The following IL2RA variants were observed in gnomAD, a reference collection of about 807,000 sequenced individuals.
IL2RA encodes the protein interleukin 2 receptor subunit alpha.
Under a neutral mutation model 37.8 loss-of-function variants are expected in IL2RA, and 24 were observed. The ratio of observed to expected loss-of-function variants is 0.63; its 90% CI spans 0.46 to 0.89. IL2RA has a LOEUF of 0.89. IL2RA is among the 40% of genes least tolerant of loss of function. The probability of loss-of-function intolerance (pLI) is 0.00; values close to 1 mark genes in which losing one functional copy is unlikely to be tolerated. For missense variants in IL2RA, 319 were observed against 348.6 expected, an observed-to-expected ratio of 0.92 and a Z score of 0.68; for synonymous variants, 125 against 114.6, an observed-to-expected ratio of 1.09 and a Z score of -0.58.
chr10:6,023,527 G>A (rs1839423198), intron 3 of IL2RA, among the ~76,000 whole-genome samples: 1 of 152,162 alleles, frequency 6.6e-6, no homozygotes, highest in African/African-American at 2.4e-5. Flanking sequence ...GTAGAGACAA[G>A]GTTTCACCAT....
At position 6,021,753 on chromosome 10, in the gene IL2RA, G is replaced by C; in HGVS notation, c.368-60C>G. ...GGGGACAGCACCGCGAGTGAGTCCA[G>C]GTTGCCTCTTGCTAGGGACTGGACC... On this transcript the variant is annotated intron_variant, in intron 3 of 7. Coordinates refer to ENST00000379959, the MANE Select transcript of IL2RA (RefSeq NM_000417.3). This position sits in a 1 kb window ranked among gnomAD's most constrained non-coding sequence, Gnocchi z 4.9. 7.0e-7 allele frequency: 1 copy of C among 1,420,696 alleles called. No individual in the cohort carries two copies. Among genetic ancestry groups the C allele is most frequent in the Non-Finnish European group, 9.9e-7 (1 of 1,006,930 alleles). The allele number at this position is 1,420,696 out of a possible 1,614,324, so 88.0% of individuals were successfully genotyped here.
At chr10:6,051,817 C>CTACATATATATATATATATATATATATA (rs1554831668) in intron 1 of IL2RA, among the ~76,000 whole-genome samples, 1 of 33,664 alleles carries the variant, frequency 3.0e-5, no homozygotes, top group East Asian at 9.3e-4. Flanking sequence ...TCATGCCCAG[C>CTACATATATATATATATATATATATATA]TATATATATA....
chr10:6,054,974 G>A lies in IL2RA; in HGVS notation c.64+7114C>T, dbSNP rs1233281055. On this transcript the variant is annotated intron_variant, in intron 1 of 7. Transcript: ENST00000379959. This position sits in a 1 kb window ranked among gnomAD's most constrained non-coding sequence, Gnocchi z 4.5. The stretch of plus-strand genomic sequence containing the variant: ...GGCCTCCCAAAGTGCAGGTATTACA[G>A]GCATGAGCTATCACACTCAGCCTAT... Among the ~76,000 whole-genome samples, 2 of 152,088 alleles carry A rather than the reference G, an allele frequency of 1.3e-5. No individual in the cohort carries two copies. The highest frequency in any genetic ancestry group is 1.9e-4 in the East Asian group (1 of 5,198).
intron 1 of IL2RA, among the ~76,000 whole-genome samples, chr10:6,045,138 C>T (rs899268393): frequency 2.0e-5 from 3 of 152,166 alleles, no homozygotes; most frequent in African/African-American, 7.2e-5. Flanking sequence ...TTGGACACAT[C>T]TCTGCAGTAA....
Position 6,019,483 on chromosome 10 carries a change from T to G in IL2RA, c.672A>C (p.Thr224=), listed in dbSNP as rs1233023299. The change falls in exon 6 of 8, where the codon ACA becomes ACC. Residue 224 remains threonine (T), a synonymous_variant. Transcript: ENST00000379959. ...ACGTCTCCATGGTTGCAGCCATTTCTGTCTGTATTTGAAAATCTGTGAAAA... is the reference window on the plus strand; with the variant it reads ...ACGTCTCCATGGTTGCAGCCATTTCGGTCTGTATTTGAAAATCTGTGAAAA... ...LVTTTDFQIQ[T]EMAATMETSI... is the part of the protein sequence containing the mutation. The G allele has an allele frequency of 6.2e-7, 1 of 1,613,156 alleles. No individual in the cohort carries two copies. The highest frequency in any genetic ancestry group is 8.5e-7 in the Non-Finnish European group (1 of 1,179,026).
At chr10:6,038,670 G>A (rs1376528408) in intron 1 of IL2RA, among the ~76,000 whole-genome samples, 2 of 152,172 alleles carry the variant, frequency 1.3e-5, no homozygotes, top group African/African-American at 4.8e-5. Context: ...AAACATAAAT[G>A]CGCACAAAGA....
intron 1 of IL2RA, among the ~76,000 whole-genome samples, chr10:6,040,892 T>C (rs994632303): frequency 1.3e-5 from 2 of 152,152 alleles, no homozygotes; most frequent in Non-Finnish European, 2.9e-5. Flanking sequence ...TTTCATAAGG[T>C]GGCCAGATAG....
rs1407098496 is a variant in IL2RA at position 6,044,197 on chromosome 10, C to T, written c.64+17891G>A. ...GTAGTGATGCAGGACAAGCGAGCCC[C>T]GAGGTGGGGCTTAGCCCGCAAGGGT... On this transcript the variant is annotated intron_variant, in intron 1 of 7. Coordinates refer to ENST00000379959, the MANE Select transcript of IL2RA (RefSeq NM_000417.3). This position sits in a 1 kb window ranked among gnomAD's most constrained non-coding sequence, Gnocchi z 4.5. Among the ~76,000 whole-genome samples, 1 of 152,228 alleles carries T rather than the reference C, an allele frequency of 6.6e-6. No individual in the cohort carries two copies. The highest frequency in any genetic ancestry group is 1.5e-5 in the Non-Finnish European group (1 of 68,048).
chr10:6,042,751 AC>A (rs964679782), intron 1 of IL2RA, among the ~76,000 whole-genome samples: 9 of 152,218 alleles, frequency 5.9e-5, no homozygotes, highest in Non-Finnish European at 1.2e-4. Context: ...GACCAAAAAA[AC>A]ATGTGGAAGC....
intron 1 of IL2RA, among the ~76,000 whole-genome samples, chr10:6,060,956 C>T (rs1198840723): frequency 3.3e-5 from 5 of 152,224 alleles, no homozygotes; most frequent in Non-Finnish European, 7.4e-5. Flanking sequence ...CTACTTGTTG[C>T]CATTATAGAC....
chr10:6,015,218 G>T lies in IL2RA; in HGVS notation c.795-2322C>A, dbSNP rs12722595. Among the ~76,000 whole-genome samples the T allele has an allele frequency of 6.6e-6, 1 of 151,762 alleles. No homozygotes were observed. Among genetic ancestry groups the T allele is most frequent in the African/African-American group, 2.4e-5 (1 of 41,380 alleles). On this transcript the variant is annotated intron_variant, in intron 7 of 7. Transcript: ENST00000379959. This position sits in a 1 kb window ranked among gnomAD's most constrained non-coding sequence, Gnocchi z 4.9. ...AGCGATTCTCCTGCATCAGCCTCCC[G>T]AGTAGCTAAGATTATAGGTGCGCAC...
In IL2RA at chr10:6,019,914, T is replaced by G. The variant is rs1839355195; in HGVS notation, c.611A>C (p.Glu204Ala). The G allele has an allele frequency of 6.2e-7, 1 of 1,614,022 alleles. No individual in the cohort carries two copies. Among genetic ancestry groups the G allele is most frequent in the African/African-American group, 1.3e-5 (1 of 74,928 alleles). ...GGAAGTCTCACTCTCAGGACGGCCT[T>G]CGGGGCTTGCCTGAGGCTTCTCTTC... The part of the protein sequence containing the change: ...PGEEKPQASP[E>A]GRPESETSCL... The change falls in exon 5 of 8, where the codon GAA (glutamate) becomes GCA (alanine). Residue 204 changes from glutamate (E) to alanine (A), a missense_variant. Physicochemically the swap from Glu to Ala is moderately radical, Grantham distance 107. Coordinates refer to ENST00000379959, the MANE Select transcript of IL2RA (RefSeq NM_000417.3).
rs1279196409 is a variant in IL2RA, at chr10:6,057,624, C to T, written c.64+4464G>A. ...AGTGCTTTGGCCCACTTTCTGCTTC[C>T]TGCAAGGTTTATTTTCCTGCTAATT... is the stretch of plus-strand genomic sequence containing the variant. On this transcript the variant is annotated intron_variant, in intron 1 of 7. Transcript: ENST00000379959. The surrounding 1 kb of genome is among the most constrained non-coding windows in gnomAD (Gnocchi z 4.8). Among the ~76,000 whole-genome samples, 1 of 152,178 alleles carries T rather than the reference C, an allele frequency of 6.6e-6. No homozygotes were observed. Among genetic ancestry groups the T allele is most frequent in the Admixed American group, 6.5e-5 (1 of 15,270 alleles).
rs1839367620 is a variant in IL2RA, at chr10:6,020,556, G to A, written c.584-615C>T. Reference sequence around the variant, plus strand: ...AATGTAAGTCACTTTTTTTTTTTGAGACGGAGTCTTGCTGTTGCCCAGGCT... The same window carrying A: ...AATGTAAGTCACTTTTTTTTTTTGAAACGGAGTCTTGCTGTTGCCCAGGCT... On this transcript the variant is annotated intron_variant, in intron 4 of 7. Transcript: ENST00000379959. The surrounding 1 kb of genome is among the most constrained non-coding windows in gnomAD (Gnocchi z 5.6). Among the ~76,000 whole-genome samples the A allele has an allele frequency of 6.7e-6, 1 of 148,798 alleles. No individual in the cohort carries two copies. Among genetic ancestry groups the A allele is most frequent in the African/African-American group, 2.5e-5 (1 of 40,216 alleles).
rs1839471015 is a variant in IL2RA at position 6,025,668 on chromosome 10, A to T, written c.256+166T>A. ...GTGAGAGTCTGTCTCCAAAAAAAAA[A>T]AAAATTGTGTTTAGTGAATGACTTT... On this transcript the variant is annotated intron_variant, in intron 2 of 7. Coordinates refer to ENST00000379959, the MANE Select transcript of IL2RA (RefSeq NM_000417.3). The surrounding 1 kb of genome is among the most constrained non-coding windows in gnomAD (Gnocchi z 4.4). Among the ~76,000 whole-genome samples the T allele has an allele frequency of 6.6e-6, 1 of 152,162 alleles. No homozygotes were observed. Among genetic ancestry groups the T allele is most frequent in the Non-Finnish European group, 1.5e-5 (1 of 68,026 alleles).
chr10:6,052,593 G>T (rs1377867831), intron 1 of IL2RA, among the ~76,000 whole-genome samples: 5 of 152,092 alleles, frequency 3.3e-5, no homozygotes, highest in Non-Finnish European at 2.9e-5. Context: ...TGCCTGTACT[G>T]CTGTAGCAAC....
chr10:6,040,528 T>A (rs539905198), intron 1 of IL2RA, among the ~76,000 whole-genome samples: 1 of 152,356 alleles, frequency 6.6e-6, no homozygotes, highest in East Asian at 1.9e-4. Context: ...CTACCTTATA[T>A]ACGAATACAC....
At position 6,011,427 on chromosome 10, in the gene IL2RA, G is replaced by A. The variant is rs1216550929; in HGVS notation, c.*1445C>T. 1 of 152,258 alleles carries A rather than the reference G, an allele frequency of 6.6e-6. No individual in the cohort carries two copies. Among genetic ancestry groups the A allele is most frequent in the Non-Finnish European group, 1.5e-5 (1 of 68,056 alleles). The allele number at this position is 152,258 out of a possible 1,614,324, so 9.4% of individuals were successfully genotyped here. The stretch of plus-strand genomic sequence containing the variant: ...ACACAAAACATTTGGCTCTATTCCA[G>A]ACCAACAACTCAGAGACTCTGAAGA... On this transcript the variant is annotated 3_prime_UTR_variant, in exon 8 of 8. Coordinates refer to ENST00000379959, the MANE Select transcript of IL2RA (RefSeq NM_000417.3). The surrounding 1 kb of genome is among the most constrained non-coding windows in gnomAD (Gnocchi z 5.2).
rs769602590 is a variant in IL2RA, at chr10:6,022,689, GTTGT to G, written c.368-1000_368-997del. Among the ~76,000 whole-genome samples, 10 of 152,220 alleles carry G rather than the reference GTTGT, an allele frequency of 6.6e-5. No homozygotes were observed. The highest frequency in any genetic ancestry group is 1.5e-4 in the Non-Finnish European group (10 of 68,046). On this transcript the variant is annotated intron_variant, in intron 3 of 7. Coordinates refer to ENST00000379959, the MANE Select transcript of IL2RA (RefSeq NM_000417.3). The surrounding 1 kb of genome is among the most constrained non-coding windows in gnomAD (Gnocchi z 4.7). Reference sequence around the variant, plus strand: ...TTGTGTTTTGGTCTCAGGATAAAAGGTTGTTTGACAGCCAGTACAATTCGTAACT... The same window carrying G: ...TTGTGTTTTGGTCTCAGGATAAAAGGTTGACAGCCAGTACAATTCGTAACT...
Sources: allele counts gnomAD v4.1 joint callset (sites outside exome capture counted in the v4.1 genomes callset), GRCh38; gene constraint gnomAD v4.1.1; non-coding constraint Gnocchi (gnomAD v3.1); transcripts MANE v1.5; gene names NCBI Gene and HGNC (gene_info 2026-07-23, HGNC 2026-07-21).